PCDHGB5: variants seen among roughly 807,000 people sequenced by gnomAD.
PCDHGB5 encodes protocadherin gamma subfamily B, 5, also known as protocadherin gamma-B5.
In PCDHGB5, 48 loss-of-function variants were observed where a neutral mutation model predicts 62.9. The observed-to-expected ratio is 0.76, with a 90% CI of 0.61 to 0.97. The LOEUF is 0.97. Among genes scored for constraint, PCDHGB5 ranks in the 50% least tolerant of loss-of-function variants. The pLI is 0.00. For missense variants in PCDHGB5, 1,118 were observed against 1,198.6 expected, an observed-to-expected ratio of 0.93 and a Z score of 0.99; for synonymous variants, 474 against 511.2, an observed-to-expected ratio of 0.93 and a Z score of 0.98.
At chr5:141,497,092 G>C (rs2099773958) in intron 2 of PCDHGB5, among the ~76,000 whole-genome samples, 1 of 152,092 alleles carries the variant, frequency 6.6e-6, no homozygotes, top group Admixed American at 6.5e-5. Flanking sequence ...AGGAGGCTGA[G>C]GCAGAACTGC....
At chr5:141,472,617 A>G (rs1024856184) in intron 1 of PCDHGB5, among the ~76,000 whole-genome samples, 3 of 152,138 alleles carry the variant, frequency 2.0e-5, no homozygotes, top group African/African-American at 7.2e-5. Flanking sequence ...CAAAGAAGAA[A>G]AAAGATAAAG....
intron 1 of PCDHGB5, chr5:141,417,742 G>A: frequency 7.0e-7 from 1 of 1,418,808 alleles, no homozygotes. Flanking sequence ...CAGCACACCA[G>A]ATTGCCAGCT....
intron 1 of PCDHGB5, among the ~76,000 whole-genome samples, chr5:141,463,948 C>A (rs1397198849): frequency 6.6e-6 from 1 of 151,846 alleles, no homozygotes; most frequent in Non-Finnish European, 1.5e-5. Context: ...TAGAAATCTT[C>A]ATTTTTAAAA....
intron 1 of PCDHGB5, chr5:141,409,463 A>G (rs751200597): frequency 1.2e-6 from 2 of 1,613,744 alleles, no homozygotes; most frequent in Non-Finnish European, 1.7e-6. Context: ...ATACAATGTC[A>G]CCATCGTAGC....
chr5:141,477,582 A>G lies in PCDHGB5; in HGVS notation c.2398-17225A>G. On this transcript the variant is annotated intron_variant, in intron 1 of 3. Transcript: ENST00000617380. This position sits in a 1 kb window ranked among gnomAD's most constrained non-coding sequence, Gnocchi z 4.9. Reference sequence around the variant, plus strand: ...GTCTGGGACCCCGACGCCCCGCAGAATGCTCGGCTTTCTTTCTTTCTCTTG... The same window carrying G: ...GTCTGGGACCCCGACGCCCCGCAGAGTGCTCGGCTTTCTTTCTTTCTCTTG... The G allele has an allele frequency of 6.2e-7, 1 of 1,614,190 alleles. No homozygotes were observed.
intron 1 of PCDHGB5, chr5:141,419,596 G>T: frequency 6.2e-7 from 1 of 1,611,682 alleles, no homozygotes; most frequent in Non-Finnish European, 8.5e-7. Flanking sequence ...ACACAGTGCC[G>T]CGGGCCGCGC....
chr5:141,398,175 G>C lies in PCDHGB5; in HGVS notation c.48G>C (p.Val16=). Residue 16 remains valine (V), a synonymous_variant, in exon 1 of 4, where the codon GTG becomes GTC. Coordinates refer to ENST00000617380, the MANE Select transcript of PCDHGB5 (RefSeq NM_018925.3). ...GELGRAERLP[V]LFLFLLSLFC... ...TGGGCCGGGCTGAGAGGCTGCCAGTGCTCTTTCTCTTCCTGCTGTCTTTGT... is the reference window on the plus strand; with the variant it reads ...TGGGCCGGGCTGAGAGGCTGCCAGTCCTCTTTCTCTTCCTGCTGTCTTTGT... 1 of 1,475,074 alleles carries C rather than the reference G, an allele frequency of 6.8e-7. No homozygotes were observed. The highest frequency in any genetic ancestry group is 9.0e-7 in the Non-Finnish European group (1 of 1,110,906). The allele number at this position is 1,475,074 out of a possible 1,614,324, so 91.4% of individuals were successfully genotyped here.
In PCDHGB5 at chr5:141,400,317, G is replaced by A; in HGVS notation, c.2190G>A (p.Lys730=). ...WSCFQPGLCV[K]SGPVVPPNYS... Reference sequence around the variant, plus strand: ...GCTTCCAACCTGGTCTCTGTGTCAAGTCTGGACCTGTGGTTCCCCCCAACT... The same window carrying A: ...GCTTCCAACCTGGTCTCTGTGTCAAATCTGGACCTGTGGTTCCCCCCAACT... The change falls in exon 1 of 4, where the codon AAG becomes AAA. Residue 730 remains lysine, a synonymous_variant. Coordinates refer to ENST00000617380, the MANE Select transcript of PCDHGB5 (RefSeq NM_018925.3). The A allele has an allele frequency of 6.2e-7, 1 of 1,614,078 alleles. No homozygotes were observed. The highest frequency in any genetic ancestry group is 1.6e-4 in the Middle Eastern group (1 of 6,062).
At chr5:141,408,618 A>C (rs1264915663) in intron 1 of PCDHGB5, 1 of 1,614,024 alleles carries the variant, frequency 6.2e-7, no homozygotes, top group Admixed American at 1.7e-5. Flanking sequence ...AAGGAAATAC[A>C]TTTAGAAATT....
At chr5:141,510,831 A>T (rs2154594660) in intron 3 of PCDHGB5, 116 bp from the exon 4 acceptor site, 1 of 1,577,022 alleles carries the variant, frequency 6.3e-7, no homozygotes, top group East Asian at 2.2e-5. Context: ...CCCAGTGCTC[A>T]GCGTGGTCAA....
At chr5:141,422,786 C>T in intron 1 of PCDHGB5, 1 of 1,614,178 alleles carries the variant, frequency 6.2e-7, no homozygotes, top group Non-Finnish European at 8.5e-7. Context: ...GCCCTACAAT[C>T]CTTCGACTAT....
intron 1 of PCDHGB5, among the ~76,000 whole-genome samples, chr5:141,488,417 C>T (rs2099675171): frequency 6.6e-6 from 1 of 152,224 alleles, no homozygotes; most frequent in Non-Finnish European, 1.5e-5. Context: ...GCCAAGCCAT[C>T]CATGCTTGGC....
At chr5:141,415,304 C>T (rs1468756434) in intron 1 of PCDHGB5, 2 of 1,614,188 alleles carry the variant, frequency 1.2e-6, no homozygotes, top group Non-Finnish European at 8.5e-7. Context: ...GTCTTCCTGG[C>T]CTTCGTCATC....
At chr5:141,421,960 C>G in intron 1 of PCDHGB5, 3 of 1,612,526 alleles carry the variant, frequency 1.9e-6, no homozygotes, top group Non-Finnish European at 2.5e-6. Context: ...AATGTTTACA[C>G]AGTCCGTATA....
At chr5:141,423,712 T>C (rs1231796741) in intron 1 of PCDHGB5, 2 of 1,313,518 alleles carry the variant, frequency 1.5e-6, no homozygotes, top group Admixed American at 3.2e-5. Flanking sequence ...CACAAGTCTT[T>C]TAAGGAGATG....
chr5:141,495,465 G>A (rs563411010), intron 2 of PCDHGB5, among the ~76,000 whole-genome samples: 3 of 152,182 alleles, frequency 2.0e-5, no homozygotes, highest in Non-Finnish European at 2.9e-5. Context: ...TGTCTGTGGG[G>A]TCTCCGTGTC....
intron 1 of PCDHGB5, among the ~76,000 whole-genome samples, chr5:141,450,038 A>G (rs2098666630): frequency 8.1e-6 from 1 of 124,190 alleles, no homozygotes; most frequent in African/African-American, 3.3e-5. Context: ...ACAGGGTCTC[A>G]CTCTTTCGCC....
rs768648952 is a variant in PCDHGB5, at chr5:141,477,230, G to T, written c.2398-17577G>T. 14 of 1,614,046 alleles carry T rather than the reference G, an allele frequency of 8.7e-6. No homozygotes were observed. The highest frequency in any genetic ancestry group is 4.0e-5 in the African/African-American group (3 of 74,916). On this transcript the variant is annotated intron_variant, in intron 1 of 3. Transcript: ENST00000617380. The surrounding 1 kb of genome is among the most constrained non-coding windows in gnomAD (Gnocchi z 4.9). Reference sequence around the variant, plus strand: ...GGATGCCCCTCTGGGGACTGTCATCGCTTTGCTCAGTGTGACTGACCTGGA... The same window carrying T: ...GGATGCCCCTCTGGGGACTGTCATCTCTTTGCTCAGTGTGACTGACCTGGA...
chr5:141,476,179 T>C lies in PCDHGB5; in HGVS notation c.2398-18628T>C, dbSNP rs1283155400. 26 of 1,613,476 alleles carry C rather than the reference T, an allele frequency of 1.6e-5. No homozygotes were observed. The highest frequency in any genetic ancestry group is 2.0e-5 in the Non-Finnish European group (24 of 1,179,998). On this transcript the variant is annotated intron_variant, in intron 1 of 3. Transcript: ENST00000617380. This position sits in a 1 kb window ranked among gnomAD's most constrained non-coding sequence, Gnocchi z 7.6. Reference sequence around the variant, plus strand: ...CCGGGAGGGTAGTGGGAGTTTTGCTTCTGCTTGGTGCCTTGAACAAGGCTT... The same window carrying C: ...CCGGGAGGGTAGTGGGAGTTTTGCTCCTGCTTGGTGCCTTGAACAAGGCTT...
Sources: gnomAD v4.1 joint callset for allele counts (sites outside exome capture counted in the v4.1 genomes callset) on GRCh38, gnomAD v4.1.1 for gene constraint, Gnocchi (gnomAD v3.1) non-coding constraint, MANE v1.5 for transcripts, NCBI Gene and HGNC (gene_info 2026-07-23, HGNC 2026-07-21) for gene names.